The following ALK variants were observed in gnomAD, a reference collection of about 807,000 sequenced individuals.
ALK encodes ALK tyrosine kinase receptor.
Under a neutral mutation model 163.1 loss-of-function variants are expected in ALK, and 74 were observed. That is an observed-to-expected ratio of 0.45 (90% CI 0.38 to 0.55). The LOEUF is 0.55. Ranked by LOEUF, ALK falls within the 20% of genes least tolerant of loss-of-function variation. The pLI, the probability that ALK is intolerant of heterozygous loss-of-function variation, is 0.00. For synonymous variants in ALK, 960 were observed against 843.2 expected (o/e 1.14, Z -2.40); for missense variants, 2,063 against 2,105.3 (o/e 0.98, Z 0.39).
intron 1 of ALK, among the ~76,000 whole-genome samples, chr2:29,912,551 T>C (rs1667733834): frequency 6.6e-6 from 1 of 152,054 alleles, no homozygotes; most frequent in Non-Finnish European, 1.5e-5. Flanking sequence ...CTCTTTAGGC[T>C]GAAGGGAAAT....
chr2:29,462,520 C>T (rs545214328), intron 4 of ALK, among the ~76,000 whole-genome samples: 2 of 152,058 alleles, frequency 1.3e-5, no homozygotes, highest in Non-Finnish European at 2.9e-5. Flanking sequence ...TCTGACTCAC[C>T]GAAGGCTCAA....
In ALK at chr2:29,490,994, A is replaced by C. The variant is rs79980613; in HGVS notation, c.1154+40921T>G. Among the ~76,000 whole-genome samples, 849 of 152,338 alleles carry C rather than the reference A, an allele frequency of 5.6e-3. 7 individuals carry two copies. The highest frequency in any genetic ancestry group is 0.019 in the African/African-American group (806 of 41,580). ...TACAATGGAAGAAATGCTACATTTC[A>C]GTGAGAAGTAATCAAAATAAAAATG... On this transcript the variant is annotated intron_variant, in intron 4 of 28. Transcript: ENST00000389048.
intron 1 of ALK, among the ~76,000 whole-genome samples, chr2:29,849,332 C>A (rs1665935078): frequency 6.6e-6 from 1 of 152,214 alleles, no homozygotes; most frequent in African/African-American, 2.4e-5. Context: ...CTGTATAAAC[C>A]TGGGACACCA....
At chr2:29,885,700 T>A (rs2148421208) in intron 1 of ALK, among the ~76,000 whole-genome samples, 1 of 152,098 alleles carries the variant, frequency 6.6e-6, no homozygotes, top group South Asian at 2.1e-4. Flanking sequence ...CAGTGCCAGA[T>A]GATGAGGAGG....
chr2:29,558,650 C>T (rs971494431), intron 3 of ALK, among the ~76,000 whole-genome samples: 1 of 152,076 alleles, frequency 6.6e-6, no homozygotes, highest in African/African-American at 2.4e-5. Context: ...TTCCAACTTC[C>T]TCAAGCAGAG....
intron 4 of ALK, 97 bp downstream of exon 4, chr2:29,531,818 A>G: frequency 2.4e-6 from 3 of 1,248,592 alleles, no homozygotes; most frequent in Non-Finnish European, 3.5e-6. Context: ...AAGGACAATC[A>G]TGAGTTTGTA....
At chr2:29,902,265 A>G (rs1048408677) in intron 1 of ALK, among the ~76,000 whole-genome samples, 1 of 152,112 alleles carries the variant, frequency 6.6e-6, no homozygotes, top group Non-Finnish European at 1.5e-5. Flanking sequence ...CAAATGACCC[A>G]TTATTATTCT....
intron 2 of ALK, among the ~76,000 whole-genome samples, chr2:29,697,881 T>G (rs926899317): frequency 3.3e-5 from 5 of 152,236 alleles, no homozygotes; most frequent in African/African-American, 1.2e-4. Context: ...AGCCGGCCAC[T>G]GGATTGTCTC....
At chr2:29,649,832 T>C (rs1676990699) in intron 3 of ALK, among the ~76,000 whole-genome samples, 1 of 152,134 alleles carries the variant, frequency 6.6e-6, no homozygotes, top group Non-Finnish European at 1.5e-5. Context: ...CTCCAGCCCT[T>C]ACTTTGGCCC....
At chr2:29,226,107 C>CA (rs966159663) in intron 18 of ALK, among the ~76,000 whole-genome samples, 1 of 151,738 alleles carries the variant, frequency 6.6e-6, no homozygotes, top group African/African-American at 2.4e-5. Flanking sequence ...ACTGGTGGGG[C>CA]GGGGGAAGAG....
At chr2:29,572,374 C>T (rs1321251813) in intron 3 of ALK, among the ~76,000 whole-genome samples, 6 of 152,186 alleles carry the variant, frequency 3.9e-5, no homozygotes, top group African/African-American at 9.7e-5. Context: ...CAGGATTGAA[C>T]TCAAACTCCT....
chr2:29,652,674 T>C (rs1047563475), intron 3 of ALK, among the ~76,000 whole-genome samples: 3 of 152,096 alleles, frequency 2.0e-5, no homozygotes, highest in Non-Finnish European at 2.9e-5. Context: ...GAAGGTTAAG[T>C]TGATCACCAA....
intron 3 of ALK, among the ~76,000 whole-genome samples, chr2:29,662,214 T>C (rs888121012): frequency 1.3e-5 from 2 of 152,084 alleles, no homozygotes; most frequent in African/African-American, 2.4e-5. Context: ...GCCCGGCCTA[T>C]CAATATCTTT....
intron 8 of ALK, among the ~76,000 whole-genome samples, chr2:29,315,776 C>G (rs1406228): frequency 6.6e-6 from 1 of 152,072 alleles, no homozygotes. Flanking sequence ...TGGGAATCCA[C>G]TGATGATTGT....
chr2:29,748,623 C>T (rs1296858676), intron 1 of ALK, among the ~76,000 whole-genome samples: 1 of 152,148 alleles, frequency 6.6e-6, no homozygotes, highest in African/African-American at 2.4e-5. Context: ...TCCCAGGTCA[C>T]CAACCTCAAA....
At position 29,687,475 on chromosome 2, in the gene ALK, C is replaced by T. The variant is rs376306799; in HGVS notation, c.952+7375G>A. Among the ~76,000 whole-genome samples, 36 of 151,894 alleles carry T rather than the reference C, an allele frequency of 2.4e-4. No individual in the cohort carries two copies. In the East Asian group the frequency reaches 6.8e-3, roughly 29 times the overall value. ...CACAAAATAGTTAACGTTTTTCCCC[C>T]AAAGTCTAAGATAACTCAATAGAAT... On this transcript the variant is annotated intron_variant, in intron 3 of 28. Transcript: ENST00000389048.
At chr2:29,774,425 ACCT>A (rs1284408792) in intron 1 of ALK, among the ~76,000 whole-genome samples, 4 of 152,030 alleles carry the variant, frequency 2.6e-5, no homozygotes, top group African/African-American at 9.7e-5. Flanking sequence ...CAGTGCTTTG[ACCT>A]CCTATTGCCA....
intron 1 of ALK, among the ~76,000 whole-genome samples, chr2:29,828,376 A>G (rs1248363605): frequency 3.3e-5 from 5 of 152,360 alleles, no homozygotes; most frequent in Admixed American, 2.0e-4. Context: ...CAGAGTGAAC[A>G]GGCAACCTAC....
At chr2:29,512,450 C>T (rs1171190708) in intron 4 of ALK, among the ~76,000 whole-genome samples, 1 of 148,516 alleles carries the variant, frequency 6.7e-6, no homozygotes, top group African/African-American at 2.5e-5. Context: ...TTCAACAAGA[C>T]TTCATGCTAA....
Sources: allele counts gnomAD v4.1 joint callset (sites outside exome capture counted in the v4.1 genomes callset), GRCh38; gene constraint gnomAD v4.1.1; transcripts MANE v1.5; gene names NCBI Gene and HGNC (gene_info 2026-07-23, HGNC 2026-07-21).